NELL2: variants seen among roughly 807,000 people sequenced by gnomAD.
The protein encoded by NELL2 is protein kinase C-binding protein NELL2.
A neutral mutation model predicts 109.6 loss-of-function variants in NELL2; 41 were observed. The ratio of observed to expected loss-of-function variants is 0.37; its 90% CI spans 0.29 to 0.49. The LOEUF (loss-of-function observed/expected upper bound fraction) is 0.49. NELL2 is among the 20% of genes least tolerant of loss of function. The probability of loss-of-function intolerance (pLI) is 0.98; values close to 1 mark genes in which losing one functional copy is unlikely to be tolerated. For missense variants in NELL2, 900 were observed against 1,008.3 expected, an observed-to-expected ratio of 0.89 and a Z score of 1.45; for synonymous variants, 355 against 344.7, an observed-to-expected ratio of 1.03 and a Z score of -0.33.
At chr12:44,787,498 A>C (rs186507869) in intron 3 of NELL2, among the ~76,000 whole-genome samples, 1 of 152,342 alleles carries the variant, frequency 6.6e-6, no homozygotes, top group Non-Finnish European at 1.5e-5. Context: ...AAATCAGAAT[A>C]GCTGAAATAG....
At chr12:44,815,259 T>G (rs1265867948) in intron 3 of NELL2, among the ~76,000 whole-genome samples, 2 of 152,172 alleles carry the variant, frequency 1.3e-5, no homozygotes, top group Admixed American at 1.3e-4. Flanking sequence ...TAGACACCAT[T>G]TTTATACAAT....
At chr12:44,711,430 A>G (rs1422716967) in intron 10 of NELL2, 36 bp from the exon 11 acceptor site, 1 of 1,535,448 alleles carries the variant, frequency 6.5e-7, no homozygotes, top group Non-Finnish European at 9.0e-7. Flanking sequence ...TTCAAATTTT[A>G]TCATTAGGAC....
chr12:44,808,266 T>A (rs1279780366), intron 3 of NELL2, among the ~76,000 whole-genome samples: 1 of 152,058 alleles, frequency 6.6e-6, no homozygotes, highest in African/African-American at 2.4e-5. Context: ...CTCTGTGTGT[T>A]AAAATGTGTA....
intron 12 of NELL2, among the ~76,000 whole-genome samples, chr12:44,671,040 G>C (rs773222557): frequency 6.6e-6 from 1 of 152,068 alleles, no homozygotes; most frequent in African/African-American, 2.4e-5. Context: ...AACACGTTAG[G>C]CCACAAAACA....
intron 15 of NELL2, among the ~76,000 whole-genome samples, chr12:44,549,589 A>T (rs2136163219): frequency 6.6e-6 from 1 of 152,358 alleles, no homozygotes; most frequent in East Asian, 1.9e-4. Flanking sequence ...CAAAATCAGC[A>T]TACAAAAATC....
At chr12:44,847,601 T>C (rs1006115594) in intron 2 of NELL2, among the ~76,000 whole-genome samples, 2 of 146,808 alleles carry the variant, frequency 1.4e-5, no homozygotes, top group Non-Finnish European at 3.0e-5. Flanking sequence ...CCTTCCACAA[T>C]GACACCAAGG....
intron 13 of NELL2, among the ~76,000 whole-genome samples, chr12:44,636,301 C>T (rs1946633257): frequency 6.6e-6 from 1 of 152,104 alleles, no homozygotes; most frequent in Non-Finnish European, 1.5e-5. Context: ...ACTGCCCTGG[C>T]CAGAACTTCC....
chr12:44,873,564 A>G (rs1275394947), intron 2 of NELL2, among the ~76,000 whole-genome samples: 1 of 152,160 alleles, frequency 6.6e-6, no homozygotes, highest in Non-Finnish European at 1.5e-5. Context: ...TAGAATACTA[A>G]TAAAATTTAA....
chr12:44,564,909 G>A (rs895190506), intron 15 of NELL2, among the ~76,000 whole-genome samples: 1 of 152,118 alleles, frequency 6.6e-6, no homozygotes, highest in African/African-American at 2.4e-5. Context: ...TGGAAGCTCC[G>A]CTTGAGAGTT....
intron 12 of NELL2, among the ~76,000 whole-genome samples, chr12:44,680,385 CACT>C (rs1217932190): frequency 2.0e-5 from 3 of 152,136 alleles, no homozygotes; most frequent in Admixed American, 6.5e-5. Context: ...ATTTCTCCAC[CACT>C]ACATTTCCTC....
At chr12:44,587,284 A>AAAAAATATATAT in intron 15 of NELL2, among the ~76,000 whole-genome samples, 2 of 72,202 alleles carry the variant, frequency 2.8e-5, no homozygotes, top group Non-Finnish European at 2.7e-5. Context: ...AAAAAAAAAA[A>AAAAAATATATAT]ATATATATAT....
intron 15 of NELL2, among the ~76,000 whole-genome samples, chr12:44,546,471 C>A (rs1295555721): frequency 6.6e-6 from 1 of 152,072 alleles, no homozygotes; most frequent in African/African-American, 2.4e-5. Flanking sequence ...ATCTCTCCCA[C>A]ATAGATAATT....
At chr12:44,716,518 ATGAT>A (rs1277033383) in intron 9 of NELL2, among the ~76,000 whole-genome samples, 5 of 152,202 alleles carry the variant, frequency 3.3e-5, no homozygotes, top group Non-Finnish European at 5.9e-5. Flanking sequence ...CTTAATAAAC[ATGAT>A]TGATTGCAAA....
intron 3 of NELL2, among the ~76,000 whole-genome samples, chr12:44,806,596 C>T (rs2136664414): frequency 6.6e-6 from 1 of 151,720 alleles, no homozygotes; most frequent in Admixed American, 6.6e-5. Flanking sequence ...AGAAAATAGC[C>T]ATACTGGTTG....
chr12:44,881,558 G>T (rs1490890078), intron 1 of NELL2, among the ~76,000 whole-genome samples: 1 of 152,004 alleles, frequency 6.6e-6, no homozygotes. Context: ...GAATCAGTGA[G>T]CTCGAAGACA....
intron 1 of NELL2, among the ~76,000 whole-genome samples, chr12:44,895,115 A>G (rs1462417003): frequency 6.6e-6 from 1 of 152,166 alleles, no homozygotes; most frequent in Non-Finnish European, 1.5e-5. Context: ...GGAAGTAGAG[A>G]TTCTAGAGAG....
At chr12:44,827,186 T>G (rs538390004) in intron 2 of NELL2, among the ~76,000 whole-genome samples, 51 of 152,284 alleles carry the variant, frequency 3.3e-4, no homozygotes, top group African/African-American at 1.2e-3. Flanking sequence ...GGTAGGTATA[T>G]ATATTTATGA....
chr12:44,509,702 TGTG>T (rs1232673789), intron 19 of NELL2, among the ~76,000 whole-genome samples: 1 of 152,102 alleles, frequency 6.6e-6, no homozygotes. Flanking sequence ...CCTCCAAAAT[TGTG>T]GGGAATGAAT....
chr12:44,751,885 C>A (rs1437787991), intron 9 of NELL2, among the ~76,000 whole-genome samples: 4 of 151,678 alleles, frequency 2.6e-5, no homozygotes, highest in African/African-American at 7.3e-5. Flanking sequence ...ATTCCCTGGG[C>A]CACATTGGAA....
Sources: gnomAD v4.1 joint callset for allele counts (sites outside exome capture counted in the v4.1 genomes callset) on GRCh38, gnomAD v4.1.1 for gene constraint, MANE v1.5 for transcripts, NCBI Gene and HGNC (gene_info 2026-07-23, HGNC 2026-07-21) for gene names.